Variants in KCNIP4 observed in about 807,000 individuals in gnomAD.
KCNIP4 encodes Kv channel-interacting protein 4.
In KCNIP4, 12 loss-of-function variants were observed where a neutral mutation model predicts 34.0. That is an observed-to-expected ratio of 0.35 (90% CI 0.23 to 0.57). The LOEUF (loss-of-function observed/expected upper bound fraction) is 0.57. Among genes scored for constraint, KCNIP4 ranks in the 20% least tolerant of loss-of-function variants. The probability of loss-of-function intolerance (pLI) is 0.83; values close to 1 mark genes in which losing one functional copy is unlikely to be tolerated. For missense variants in KCNIP4, 238 were observed against 311.7 expected (o/e 0.76, Z 1.78); for synonymous variants, 124 against 102.2 (o/e 1.21, Z -1.29).
At chr4:21,561,687 A>G (rs1014077827) in intron 1 of KCNIP4, among the ~76,000 whole-genome samples, 1 of 152,000 alleles carries the variant, frequency 6.6e-6, no homozygotes, top group African/African-American at 2.4e-5. Flanking sequence ...TGTTAAGGCA[A>G]TTAAATTACT....
intron 1 of KCNIP4, among the ~76,000 whole-genome samples, chr4:21,261,219 C>G (rs983004399): frequency 2.0e-5 from 3 of 152,154 alleles, no homozygotes; most frequent in African/African-American, 7.2e-5. Context: ...TGAAGGGACT[C>G]TGGCTTTAAA....
At chr4:21,925,165 T>C (rs1327332767) in intron 1 of KCNIP4, among the ~76,000 whole-genome samples, 4 of 152,170 alleles carry the variant, frequency 2.6e-5, no homozygotes, top group Non-Finnish European at 5.9e-5. Context: ...ACATGTGCCA[T>C]GTTAGTGTGC....
intron 2 of KCNIP4, among the ~76,000 whole-genome samples, chr4:20,864,182 G>A (rs1422901126): frequency 5.5e-5 from 4 of 72,078 alleles, no homozygotes; most frequent in South Asian, 1.1e-3. Context: ...ACACATGTAT[G>A]TATGCGTACA....
intron 3 of KCNIP4, among the ~76,000 whole-genome samples, chr4:20,772,336 G>A (rs1755971768): frequency 1.3e-5 from 2 of 152,116 alleles, no homozygotes; most frequent in South Asian, 4.1e-4. Context: ...ACTTGACTAC[G>A]CACAGGAGCG....
At chr4:21,028,610 C>T (rs1740747738) in intron 1 of KCNIP4, among the ~76,000 whole-genome samples, 1 of 152,150 alleles carries the variant, frequency 6.6e-6, no homozygotes, top group South Asian at 2.1e-4. Context: ...TCCTTCCTTC[C>T]ATCCTGGCAT....
At chr4:21,650,812 C>G (rs1206596724) in intron 1 of KCNIP4, among the ~76,000 whole-genome samples, 1 of 152,164 alleles carries the variant, frequency 6.6e-6, no homozygotes, top group Non-Finnish European at 1.5e-5. Flanking sequence ...TCATTTCCAT[C>G]TGGAGTTTGG....
At chr4:21,332,762 CCTT>C (rs1211073250) in intron 1 of KCNIP4, among the ~76,000 whole-genome samples, 2 of 151,954 alleles carry the variant, frequency 1.3e-5, no homozygotes, top group Admixed American at 6.6e-5. Flanking sequence ...TATCTGTCCT[CCTT>C]GTTTCTGATC....
At chr4:20,894,539 C>CT (rs1363422237) in intron 1 of KCNIP4, among the ~76,000 whole-genome samples, 3 of 152,110 alleles carry the variant, frequency 2.0e-5, no homozygotes, top group Admixed American at 2.0e-4. Flanking sequence ...TTTGTTCATT[C>CT]TTTTTATTTT....
intron 1 of KCNIP4, among the ~76,000 whole-genome samples, chr4:21,685,485 C>T (rs1267809256): frequency 6.6e-6 from 1 of 152,076 alleles, no homozygotes; most frequent in Admixed American, 6.6e-5. Context: ...TGTTTCTACC[C>T]CACCAAGCCA....
At chr4:20,742,830 CA>C (rs1382193526) in intron 5 of KCNIP4, among the ~76,000 whole-genome samples, 1 of 152,072 alleles carries the variant, frequency 6.6e-6, no homozygotes, top group Non-Finnish European at 1.5e-5. Context: ...CGTCTCAGCC[CA>C]AAATCTCCTT....
At chr4:21,301,372 T>A (rs1209823956) in intron 1 of KCNIP4, among the ~76,000 whole-genome samples, 4 of 152,188 alleles carry the variant, frequency 2.6e-5, no homozygotes, top group African/African-American at 7.2e-5. Context: ...GTGAATACCA[T>A]GTATACTATA....
chr4:21,869,775 T>C (rs62301419), intron 1 of KCNIP4, among the ~76,000 whole-genome samples: 1,664 of 87,592 alleles, frequency 0.019, 31 homozygotes, highest in African/African-American at 0.047. Context: ...GATAGATAGA[T>C]AGATAGATAG....
chr4:21,625,195 C>A (rs1434938938), intron 1 of KCNIP4, among the ~76,000 whole-genome samples: 1 of 152,016 alleles, frequency 6.6e-6, no homozygotes, highest in Admixed American at 6.6e-5. Flanking sequence ...TAAACAATCC[C>A]TGCAGTACTA....
chr4:21,207,843 C>CTTTTTTTT (rs531286039), intron 1 of KCNIP4, among the ~76,000 whole-genome samples: 8 of 115,122 alleles, frequency 6.9e-5, no homozygotes, highest in South Asian at 2.8e-4. Context: ...TTTTCTTTTT[C>CTTTTTTTT]TTTTTTTTTT....
intron 1 of KCNIP4, among the ~76,000 whole-genome samples, chr4:21,695,630 A>G (rs1712227342): frequency 6.6e-6 from 1 of 152,150 alleles, no homozygotes; most frequent in African/African-American, 2.4e-5. Flanking sequence ...TTTCCCAACC[A>G]CTTACCATTT....
At chr4:21,336,984 T>G (rs1361056928) in intron 1 of KCNIP4, among the ~76,000 whole-genome samples, 1 of 151,948 alleles carries the variant, frequency 6.6e-6, no homozygotes, top group African/African-American at 2.4e-5. Context: ...CCAAGCAGAT[T>G]GAATGAGATT....
chr4:21,509,644 G>A (rs892901422), intron 1 of KCNIP4, among the ~76,000 whole-genome samples: 2 of 152,048 alleles, frequency 1.3e-5, no homozygotes, highest in Non-Finnish European at 1.5e-5. Context: ...CACTCCTCAG[G>A]CTGTTCCTGA....
At chr4:21,000,939 C>A (rs1052437373) in intron 1 of KCNIP4, among the ~76,000 whole-genome samples, 1 of 152,196 alleles carries the variant, frequency 6.6e-6, no homozygotes, top group Non-Finnish European at 1.5e-5. Flanking sequence ...TTCTTCCTCA[C>A]CTCTTCCAAA....
intron 3 of KCNIP4, among the ~76,000 whole-genome samples, chr4:20,818,941 T>C (rs1329282876): frequency 5.4e-5 from 8 of 147,778 alleles, no homozygotes; most frequent in African/African-American, 2.0e-4. Context: ...TTTTTTTTTT[T>C]TGAGATGGAG....
Sources: allele counts gnomAD v4.1 joint callset (sites outside exome capture counted in the v4.1 genomes callset), GRCh38; gene constraint gnomAD v4.1.1; transcripts MANE v1.5; gene names NCBI Gene and HGNC (gene_info 2026-07-23, HGNC 2026-07-21).